JAK1: variants seen among roughly 807,000 people sequenced by gnomAD.
The protein encoded by JAK1 is tyrosine-protein kinase JAK1.
JAK1 carries 16 observed loss-of-function variants against 136.6 expected under a neutral mutation model. The ratio of observed to expected loss-of-function variants is 0.12; its 90% CI spans 0.08 to 0.18. JAK1 has a LOEUF of 0.18. Among genes scored for constraint, JAK1 ranks in the 10% least tolerant of loss-of-function variants. JAK1 has a pLI of 1.00. For missense variants in JAK1, 859 were observed against 1,450.1 expected, an observed-to-expected ratio of 0.59 and a Z score of 6.62; for synonymous variants, 492 against 519.5, an observed-to-expected ratio of 0.95 and a Z score of 0.72.
chr1:64,985,584 A>G, intron 2 of JAK1: 1 of 1,043,460 alleles, frequency 9.6e-7, no homozygotes, highest in Non-Finnish European at 1.4e-6. Flanking sequence ...CAGATCAAAG[A>G]TCTGGGCCAC....
intron 1 of JAK1, among the ~76,000 whole-genome samples, chr1:64,914,711 G>A (rs1009750497): frequency 4.6e-5 from 7 of 152,224 alleles, no homozygotes; most frequent in African/African-American, 7.2e-5. Context: ...TTACAGGTGT[G>A]CACCACCATG....
chr1:64,911,084 T>C (rs1317767046), intron 1 of JAK1, among the ~76,000 whole-genome samples: 2 of 37,484 alleles, frequency 5.3e-5, no homozygotes, highest in African/African-American at 1.1e-4. Flanking sequence ...TATTCAGGAG[T>C]GAAAAAAAAA....
intron 1 of JAK1, among the ~76,000 whole-genome samples, chr1:64,919,964 G>C: frequency 6.6e-6 from 1 of 151,898 alleles, no homozygotes; most frequent in East Asian, 1.9e-4. Context: ...CACAGGGCCT[G>C]GCACAGAGTA....
chr1:65,056,987 T>C (rs1569964999), intron 1 of JAK1, among the ~76,000 whole-genome samples: 1 of 150,132 alleles, frequency 6.7e-6, no homozygotes, highest in Non-Finnish European at 1.5e-5. Flanking sequence ...CTTCTCTCTG[T>C]GGTAGGTAGG....
intron 2 of JAK1, among the ~76,000 whole-genome samples, chr1:65,025,173 C>G (rs1442538421): frequency 6.6e-6 from 1 of 152,160 alleles, no homozygotes; most frequent in Non-Finnish European, 1.5e-5. Context: ...GGCAAAAAGA[C>G]TTACGGGTCC....
upstream of JAK1, among the ~76,000 whole-genome samples, chr1:64,968,560 A>G (rs952364107): frequency 6.6e-6 from 1 of 152,022 alleles, no homozygotes; most frequent in Admixed American, 6.6e-5. Flanking sequence ...AGGCTGAGGC[A>G]GGAGGACTGC....
At chr1:64,858,008 T>G (rs775335502) in intron 9 of JAK1, among the ~76,000 whole-genome samples, 1 of 152,192 alleles carries the variant, frequency 6.6e-6, no homozygotes, top group Non-Finnish European at 1.5e-5. Context: ...CTCAGACTCC[T>G]GCCCAAGGCA....
rs371290348 is a variant in JAK1 at position 64,953,607 on chromosome 1, T to C, written c.-78+12726A>G. Among the ~76,000 whole-genome samples the C allele has an allele frequency of 1.9e-4, 29 of 152,298 alleles. 1 individual carries two copies. Among genetic ancestry groups the C allele is most frequent in the Admixed American group, 1.4e-3 (22 of 15,298 alleles). The stretch of plus-strand genomic sequence containing the variant: ...TCACAAAAATATACCAAACTTACTT[T>C]AGGACAGCTAAATGAACCCAACTGC... On this transcript the variant is annotated intron_variant, in intron 1 of 24. Coordinates refer to ENST00000342505, the MANE Select transcript of JAK1 (RefSeq NM_002227.4).
At chr1:65,016,981 A>C (rs747748575) in intron 2 of JAK1, among the ~76,000 whole-genome samples, 3 of 152,208 alleles carry the variant, frequency 2.0e-5, no homozygotes, top group Non-Finnish European at 4.4e-5. Context: ...TACAACAATA[A>C]AGATAATCAC....
intron 1 of JAK1, among the ~76,000 whole-genome samples, chr1:64,906,743 A>G (rs867052279): frequency 6.6e-6 from 1 of 152,208 alleles, no homozygotes; most frequent in Non-Finnish European, 1.5e-5. Context: ...AAATATTGAC[A>G]CAGAGAGGTG....
intron 1 of JAK1, among the ~76,000 whole-genome samples, chr1:65,049,081 C>T (rs1569946675): frequency 6.6e-6 from 1 of 152,198 alleles, no homozygotes; most frequent in African/African-American, 2.4e-5. Context: ...CTTGCATCCA[C>T]AATCTGCCCC....
intron 12 of JAK1, among the ~76,000 whole-genome samples, chr1:64,848,668 C>T (rs1029190835): frequency 6.6e-6 from 1 of 152,098 alleles, no homozygotes; most frequent in African/African-American, 2.4e-5. Flanking sequence ...ATTTGGAAAT[C>T]GAAATGGGAT....
intron 5 of JAK1, among the ~76,000 whole-genome samples, chr1:64,870,454 C>T (rs1402858097): frequency 6.6e-6 from 1 of 152,114 alleles, no homozygotes; most frequent in African/African-American, 2.4e-5. Context: ...GAGTATCTAA[C>T]GTCAGGCAGT....
At chr1:64,951,310 C>T (rs2100576184) in intron 1 of JAK1, among the ~76,000 whole-genome samples, 1 of 152,256 alleles carries the variant, frequency 6.6e-6, no homozygotes. Context: ...AACTGTGTGG[C>T]AATATTCCTC....
intron 1 of JAK1, among the ~76,000 whole-genome samples, chr1:64,914,259 A>G (rs1645353193): frequency 6.6e-6 from 1 of 152,178 alleles, no homozygotes; most frequent in African/African-American, 2.4e-5. Context: ...TCAAAAATAA[A>G]CACGATCTAC....
At chr1:64,958,196 G>A (rs1646224455) in intron 1 of JAK1, among the ~76,000 whole-genome samples, 1 of 152,228 alleles carries the variant, frequency 6.6e-6, no homozygotes, top group Admixed American at 6.5e-5. Flanking sequence ...CCAGCTTGTA[G>A]ATGGTAGGTG....
intron 1 of JAK1, among the ~76,000 whole-genome samples, chr1:64,905,739 T>C (rs1482602195): frequency 6.6e-6 from 1 of 152,208 alleles, no homozygotes; most frequent in Admixed American, 6.5e-5. Flanking sequence ...CTTACTCCTA[T>C]ATTTAGTCAT....
intron 1 of JAK1, among the ~76,000 whole-genome samples, chr1:65,053,503 G>A (rs526407): frequency 0.94 from 143,080 of 152,304 alleles, 67,314 homozygotes; most frequent in East Asian, 1. Flanking sequence ...GTGTAAAAAC[G>A]TAAGAGGTTT....
intron 15 of JAK1, 111 bp downstream of exon 15, chr1:64,845,402 G>T (rs1655164796): frequency 3.2e-6 from 4 of 1,248,754 alleles, no homozygotes; most frequent in Non-Finnish European, 4.6e-6. Flanking sequence ...TGGCCCCATG[G>T]AACCCAAGGA....
Sources: gnomAD v4.1 joint callset for allele counts (sites outside exome capture counted in the v4.1 genomes callset) on GRCh38, gnomAD v4.1.1 for gene constraint, MANE v1.5 for transcripts, NCBI Gene and HGNC (gene_info 2026-07-23, HGNC 2026-07-21) for gene names.